Variants in AMPD3 observed in about 807,000 individuals in gnomAD.
AMPD3 encodes adenosine monophosphate deaminase 3.
In AMPD3, 57 loss-of-function variants were observed where a neutral mutation model predicts 82.3. The observed-to-expected ratio is 0.69, with a 90% CI of 0.56 to 0.86. The LOEUF (loss-of-function observed/expected upper bound fraction) is 0.86. Among genes scored for constraint, AMPD3 ranks in the 40% least tolerant of loss-of-function variants. AMPD3 has a pLI of 0.00. For missense variants in AMPD3, 870 were observed against 1,003.8 expected (o/e 0.87, Z 1.80); for synonymous variants, 381 against 394.7 (o/e 0.97, Z 0.41).
intron 10 of AMPD3, among the ~76,000 whole-genome samples, chr11:10,499,532 G>A (rs1002295476): frequency 6.6e-6 from 1 of 152,134 alleles, no homozygotes; most frequent in African/African-American, 2.4e-5. Context: ...GGTTTCTTGA[G>A]CAACTTTCTT....
Position 10,495,579 on chromosome 11 carries a change from C to A in AMPD3, c.1276C>A (p.Arg426=), listed in dbSNP as rs143114453. 1.2e-6 allele frequency: 2 copies of A among 1,612,792 alleles called. No individual in the cohort carries two copies. Among genetic ancestry groups the A allele is most frequent in the Non-Finnish European group, 1.7e-6 (2 of 1,180,024 alleles). ...YFARMVKEVA[R]ELEESKYQYS... ...GCTCTTCTTGTGCCAGGAGGTTGCC[C>A]GGGAGCTGGAGGAGAGCAAGTACCA... The change falls in exon 9 of 15, where the codon CGG becomes AGG. Residue 426 remains arginine (R), a synonymous_variant. Coordinates refer to ENST00000396553, the MANE Select transcript of AMPD3 (RefSeq NM_001025389.2).
chr11:10,502,249 C>G, intron 12 of AMPD3: 1 of 985,464 alleles, frequency 1.0e-6, no homozygotes, highest in Non-Finnish European at 1.2e-6. Context: ...GAAAACCACT[C>G]TATCCTGGGC....
chr11:10,460,408 ACT>A (rs1491193077), intron 1 of AMPD3, among the ~76,000 whole-genome samples: 1 of 115,446 alleles, frequency 8.7e-6, no homozygotes, highest in Non-Finnish European at 1.9e-5. Flanking sequence ...CCCAGAGTAT[ACT>A]TTTTTTTTTT....
rs1849297541 is a variant in AMPD3, at chr11:10,493,414, C to T, written c.1005C>T (p.His335=). 1 of 1,614,116 alleles carries T rather than the reference C, an allele frequency of 6.2e-7. No individual in the cohort carries two copies. The highest frequency in any genetic ancestry group is 8.5e-7 in the Non-Finnish European group (1 of 1,180,056). The change falls in exon 7 of 15, where the codon CAC becomes CAT. Residue 335 remains histidine (H), a synonymous_variant. Transcript: ENST00000396553. ...NQKHLLRFIK[H]TYQTEPDRTV... Reference sequence around the variant, plus strand: ...AGCATCTGCTGCGCTTCATCAAGCACACATACCAGACGGAGCCTGACAGGA... The same window carrying T: ...AGCATCTGCTGCGCTTCATCAAGCATACATACCAGACGGAGCCTGACAGGA...
chr11:10,464,033 C>T (rs948894162), intron 2 of AMPD3, among the ~76,000 whole-genome samples: 26 of 152,160 alleles, frequency 1.7e-4, no homozygotes, highest in Non-Finnish European at 2.9e-4. Flanking sequence ...AATTAGGAAA[C>T]CTCTCTGGGC....
chr11:10,498,922 C>T (rs1849498619), intron 10 of AMPD3, among the ~76,000 whole-genome samples: 1 of 152,218 alleles, frequency 6.6e-6, no homozygotes, highest in African/African-American at 2.4e-5. Flanking sequence ...CTGGGATCAG[C>T]CAGAAGGCTC....
In AMPD3 at chr11:10,506,339, G is replaced by C. The variant is rs533851946; in HGVS notation, c.*455G>C. ...AATTTCAAAGCTCCATTTCATAAAGGGGCTACTTTGAAGGAGTTAAGATGG... is the reference window on the plus strand; with the variant it reads ...AATTTCAAAGCTCCATTTCATAAAGCGGCTACTTTGAAGGAGTTAAGATGG... On this transcript the variant is annotated 3_prime_UTR_variant, in exon 15 of 15. Coordinates refer to ENST00000396553, the MANE Select transcript of AMPD3 (RefSeq NM_001025389.2). The surrounding 1 kb of genome is among the most constrained non-coding windows in gnomAD (Gnocchi z 4.1). 5.0e-6 allele frequency: 1 copy of C among 201,452 alleles called. No individual in the cohort carries two copies. The allele number at this position is 201,452 out of a possible 1,614,324, so 12.5% of individuals were successfully genotyped here. A position where few individuals can be genotyped will look rare whatever the true frequency, so the allele number is the denominator to read the frequency against.
Position 10,482,170 on chromosome 11 carries a change from C to T in AMPD3, c.534C>T (p.Ser178=). The change falls in exon 4 of 15, where the codon TCC becomes TCT. Residue 178 remains serine, a synonymous_variant. Coordinates refer to ENST00000396553, the MANE Select transcript of AMPD3 (RefSeq NM_001025389.2). The part of the protein sequence containing the change: ...LAYHRFPRIT[S]QYLGHPRADT... ...ACCACCGCTTCCCGCGGATCACATC[C>T]CAGTACCTGGGTCATCCGCGGGCGG... The T allele has an allele frequency of 6.2e-7, 1 of 1,613,938 alleles. No individual in the cohort carries two copies. The highest frequency in any genetic ancestry group is 2.2e-5 in the East Asian group (1 of 44,890).
Position 10,458,254 on chromosome 11 carries a change from T to TAAAAA in AMPD3, c.-6+2825_-6+2829dup, listed in dbSNP as rs374036957. Among the ~76,000 whole-genome samples the TAAAAA allele has an allele frequency of 4.1e-3, 373 of 91,442 alleles. 6 individuals carry two copies. Among genetic ancestry groups the TAAAAA allele is most frequent in the Middle Eastern group, 0.024 (4 of 168 alleles). 60.0% of individuals were successfully genotyped at this position (91,442 alleles called of 152,430 possible). ...GGACAACATGGCAAAACCTCATCTCTAAAAAAAAAAAAAAAAAAAAAAATT... is the reference window on the plus strand; with the variant it reads ...GGACAACATGGCAAAACCTCATCTCTAAAAAAAAAAAAAAAAAAAAAAAAAAAATT... On this transcript the variant is annotated intron_variant, in intron 1 of 14. Coordinates refer to ENST00000396553, the MANE Select transcript of AMPD3 (RefSeq NM_001025389.2).
At chr11:10,497,671 G>C in intron 10 of AMPD3, 2 of 984,796 alleles carry the variant, frequency 2.0e-6, no homozygotes, top group Non-Finnish European at 2.4e-6. Flanking sequence ...TTATGTTTTA[G>C]ACAAACATAT....
At chr11:10,501,971 C>T (rs548789500) in intron 12 of AMPD3, 6 of 985,376 alleles carry the variant, frequency 6.1e-6, no homozygotes, top group South Asian at 4.7e-5. Flanking sequence ...GATGCTGCAA[C>T]GTAATATCTA....
intron 6 of AMPD3, 133 bp from the exon 7 acceptor site, chr11:10,493,216 T>C (rs1416658315): frequency 9.7e-7 from 1 of 1,029,356 alleles, no homozygotes; most frequent in Admixed American, 1.7e-5. Flanking sequence ...GGGGGTGGGA[T>C]CCAGACACTG....
intron 6 of AMPD3, 144 bp from the exon 7 acceptor site, chr11:10,493,205 G>T (rs951235030): frequency 8.8e-6 from 8 of 913,818 alleles, no homozygotes; most frequent in East Asian, 4.8e-5. Context: ...GAGGAGAAAT[G>T]GGGGGTGGGA....
intron 4 of AMPD3, chr11:10,484,120 G>C (rs1445277630): frequency 2.7e-6 from 1 of 372,670 alleles, no homozygotes. Context: ...GTTAAGGCAG[G>C]GGGTGTTATC....
intron 1 of AMPD3, 141 bp from the exon 2 acceptor site, chr11:10,461,366 TTGGCATGC>T: frequency 6.3e-7 from 1 of 1,594,432 alleles, no homozygotes; most frequent in Admixed American, 1.7e-5. Context: ...AATTTTGAAA[TTGGCATGC>T]TGGGTTTGGT....
chr11:10,461,471 G>T, intron 1 of AMPD3, 44 bp from the exon 2 acceptor site: 1 of 1,613,370 alleles, frequency 6.2e-7, no homozygotes, highest in South Asian at 1.1e-5. Flanking sequence ...CGGTGCTGGT[G>T]ACTCAGGGCA....
At chr11:10,473,944 C>T (rs1020146760) in intron 2 of AMPD3, among the ~76,000 whole-genome samples, 2 of 152,156 alleles carry the variant, frequency 1.3e-5, no homozygotes, top group Admixed American at 6.5e-5. Context: ...TAACAATTCT[C>T]ATGTGGAGGG....
intron 4 of AMPD3, among the ~76,000 whole-genome samples, chr11:10,483,253 G>A (rs1848966779): frequency 6.6e-6 from 1 of 152,120 alleles, no homozygotes. Flanking sequence ...GAGCAGTAGA[G>A]GCAGTGATGA....
In AMPD3 at chr11:10,484,942, C is replaced by G. The variant is rs540688833; in HGVS notation, c.712C>G (p.Leu238Val). Residue 238 changes from leucine to valine, a missense_variant, in exon 5 of 15, where the codon CTG (leucine) becomes GTG (valine). Coordinates refer to ENST00000396553, the MANE Select transcript of AMPD3 (RefSeq NM_001025389.2). ...CTTTGTGTATGATAACAAGAAGATG[C>G]TGGAGCACCAGGAGCCGCACAGCCT... is the stretch of plus-strand genomic sequence containing the variant. The part of the protein sequence containing the change: ...ILFVYDNKKM[L>V]EHQEPHSLPY... 1 of 1,614,076 alleles carries G rather than the reference C, an allele frequency of 6.2e-7. No homozygotes were observed. The highest frequency in any genetic ancestry group is 2.2e-5 in the East Asian group (1 of 44,876).
Sources: allele counts gnomAD v4.1 joint callset (sites outside exome capture counted in the v4.1 genomes callset), GRCh38; gene constraint gnomAD v4.1.1; non-coding constraint Gnocchi (gnomAD v3.1); transcripts MANE v1.5; gene names NCBI Gene and HGNC (gene_info 2026-07-23, HGNC 2026-07-21).